INO80D: variants seen among roughly 807,000 people sequenced by gnomAD.
INO80D encodes the protein INO80 complex subunit D.
INO80D carries 21 observed loss-of-function variants against 87.6 expected under a neutral mutation model. The ratio of observed to expected loss-of-function variants is 0.24; its 90% CI spans 0.17 to 0.35. The LOEUF (loss-of-function observed/expected upper bound fraction) is 0.35. Among genes scored for constraint, INO80D ranks in the 10% least tolerant of loss-of-function variants. The pLI is 1.00. For synonymous variants in INO80D, 440 were observed against 491.0 expected (o/e 0.90, Z 1.37); for missense variants, 982 against 1,280.7 (o/e 0.77, Z 3.56).
intron 1 of INO80D, among the ~76,000 whole-genome samples, chr2:206,070,220 A>G (rs1224112758): frequency 6.6e-6 from 1 of 151,398 alleles, no homozygotes; most frequent in African/African-American, 2.4e-5. Flanking sequence ...GTTCGAGACC[A>G]GCCTGGCCAA....
At position 206,061,390 on chromosome 2, in the gene INO80D, A is replaced by G. The variant is rs148829353; in HGVS notation, c.218+1409T>C. Among the ~76,000 whole-genome samples the G allele has an allele frequency of 1.5e-3, 230 of 152,326 alleles. 1 individual carries two copies. The highest frequency in any genetic ancestry group is 2.3e-3 in the Non-Finnish European group (154 of 68,026). ...CTGACAACTGTAACCATGATAAGCT[A>G]ATTTTAAGACAAAATTTTAGAAATG... On this transcript the variant is annotated intron_variant, in intron 3 of 10. Transcript: ENST00000403263.
At chr2:206,043,743 T>C (rs1229156101) in intron 5 of INO80D, among the ~76,000 whole-genome samples, 1 of 122,798 alleles carries the variant, frequency 8.1e-6, no homozygotes, top group African/African-American at 3.2e-5. Flanking sequence ...TGCCTCGGCC[T>C]CCCAAAGTGC....
intron 6 of INO80D, among the ~76,000 whole-genome samples, chr2:206,027,154 GCGCA>G (rs968849144): frequency 1.2e-4 from 10 of 81,578 alleles, no homozygotes; most frequent in Non-Finnish European, 2.8e-4. Flanking sequence ...ACGCGCGCAC[GCGCA>G]CACACACACA....
chr2:206,020,238 C>T (rs1688424333), intron 6 of INO80D, among the ~76,000 whole-genome samples: 1 of 152,140 alleles, frequency 6.6e-6, no homozygotes, highest in South Asian at 2.1e-4. Flanking sequence ...GGGCATGTTG[C>T]TCAGCCTCAT....
At chr2:206,020,732 C>G (rs542951293) in intron 6 of INO80D, among the ~76,000 whole-genome samples, 1 of 152,098 alleles carries the variant, frequency 6.6e-6, no homozygotes, top group Non-Finnish European at 1.5e-5. Flanking sequence ...AGTGAAGAAT[C>G]GACTTCTTGC....
At chr2:206,067,547 C>G (rs1689852529) in intron 1 of INO80D, among the ~76,000 whole-genome samples, 1 of 152,046 alleles carries the variant, frequency 6.6e-6, no homozygotes, top group African/African-American at 2.4e-5. Context: ...TTATATGAAT[C>G]AAAACATCAC....
At chr2:206,014,893 G>A (rs1688277668) in intron 8 of INO80D, among the ~76,000 whole-genome samples, 1 of 152,210 alleles carries the variant, frequency 6.6e-6, no homozygotes, top group South Asian at 2.1e-4. Flanking sequence ...TAGTGATATG[G>A]ACAATGAAAT....
chr2:206,069,714 T>TA (rs1306929841), intron 1 of INO80D, among the ~76,000 whole-genome samples: 2 of 152,206 alleles, frequency 1.3e-5, no homozygotes, highest in Non-Finnish European at 2.9e-5. Flanking sequence ...TTAGTATACT[T>TA]ATCAGCATTA....
In INO80D at chr2:206,047,856, A is replaced by ATTTTTT. The variant is rs1175389682; in HGVS notation, c.965-1250_965-1245dup. Among the ~76,000 whole-genome samples the ATTTTTT allele has an allele frequency of 7.6e-4, 106 of 139,472 alleles. 11 individuals are homozygous for ATTTTTT. Among genetic ancestry groups the ATTTTTT allele is most frequent in the Non-Finnish European group, 1.0e-3 (68 of 64,834 alleles). 91.5% of individuals were successfully genotyped at this position (139,472 alleles called of 152,430 possible). A position where few individuals can be genotyped will look rare whatever the true frequency, so the allele number is the denominator to read the frequency against. On this transcript the variant is annotated intron_variant, in intron 4 of 10. Coordinates refer to ENST00000403263, the MANE Select transcript of INO80D (RefSeq NM_017759.5). ...CTAATGAGGTTTCGGATTTCTTTCA[A>ATTTTTT]TTTTTTTTTTTTGAGACGGAGTCTC...
chr2:206,078,816 C>T (rs577270164), intron 1 of INO80D, among the ~76,000 whole-genome samples: 1 of 151,976 alleles, frequency 6.6e-6, no homozygotes, highest in African/African-American at 2.4e-5. Context: ...TGGTGGTGGG[C>T]GCCTGTAATC....
At chr2:206,033,007 T>C (rs747709405) in intron 5 of INO80D, among the ~76,000 whole-genome samples, 1 of 152,146 alleles carries the variant, frequency 6.6e-6, no homozygotes, top group Non-Finnish European at 1.5e-5. Flanking sequence ...TGAATGTAAA[T>C]GACCTAAATG....
intron 1 of INO80D, among the ~76,000 whole-genome samples, chr2:206,084,033 T>C (rs1197745128): frequency 6.6e-6 from 1 of 150,910 alleles, no homozygotes; most frequent in Admixed American, 6.6e-5. Flanking sequence ...ATCCTGTCCC[T>C]GAAAAGCAGA....
In INO80D at chr2:206,002,057, G is replaced by A. The variant is rs1000901964; in HGVS notation, c.*2311C>T. The A allele has an allele frequency of 6.6e-6, 1 of 152,136 alleles. No homozygotes were observed. Among genetic ancestry groups the A allele is most frequent in the African/African-American group, 2.4e-5 (1 of 41,410 alleles). 9.4% of individuals were successfully genotyped at this position (152,136 alleles called of 1,614,324 possible). On this transcript the variant is annotated 3_prime_UTR_variant, in exon 11 of 11. Transcript: ENST00000403263. ...CAAGTAGACAGAAAAAGTTCAAATC[G>A]ACTACCCACGACTTTCCCTTCCTTG...
At chr2:206,065,444 G>A (rs144397116) in intron 1 of INO80D, among the ~76,000 whole-genome samples, 1,569 of 152,200 alleles carry the variant, frequency 0.01, 19 homozygotes, top group South Asian at 0.034. Context: ...ACTCCAGTCT[G>A]GGCAACAGAG....
intron 1 of INO80D, among the ~76,000 whole-genome samples, chr2:206,066,867 ATTATC>A (rs1234845516): frequency 6.6e-6 from 1 of 152,134 alleles, no homozygotes; most frequent in East Asian, 1.9e-4. Context: ...ACTAGAAGAC[ATTATC>A]TTAAGTGAAA....
At chr2:206,007,704 C>T (rs1389205476) in intron 9 of INO80D, among the ~76,000 whole-genome samples, 2 of 151,946 alleles carry the variant, frequency 1.3e-5, no homozygotes, top group African/African-American at 2.4e-5. Context: ...CACTTGTAAT[C>T]CCAGCTACTC....
intron 5 of INO80D, among the ~76,000 whole-genome samples, chr2:206,045,732 G>A (rs1340609494): frequency 6.6e-6 from 1 of 151,768 alleles, no homozygotes; most frequent in East Asian, 1.9e-4. Context: ...AAAAAAAATT[G>A]TAGCACAGTA....
intron 8 of INO80D, among the ~76,000 whole-genome samples, chr2:206,014,157 CA>C (rs34155962): frequency 0.085 from 10,970 of 128,754 alleles, 577 homozygotes; most frequent in African/African-American, 0.2. Context: ...AACTCCATCT[CA>C]AAAAAAAAAA....
At chr2:206,012,662 G>A (rs745779804) in intron 8 of INO80D, among the ~76,000 whole-genome samples, 11 of 151,970 alleles carry the variant, frequency 7.2e-5, no homozygotes, top group Non-Finnish European at 1.2e-4. Context: ...GAGGTCAGGA[G>A]CTCAAGACCA....
Sources: allele counts gnomAD v4.1 joint callset (sites outside exome capture counted in the v4.1 genomes callset), GRCh38; gene constraint gnomAD v4.1.1; transcripts MANE v1.5; gene names NCBI Gene and HGNC (gene_info 2026-07-23, HGNC 2026-07-21).